Variants in WDPCP observed in about 807,000 individuals in gnomAD.
WDPCP encodes the protein WD repeat containing planar cell polarity effector.
In WDPCP, 71 loss-of-function variants were observed where a neutral mutation model predicts 93.1. That is an observed-to-expected ratio of 0.76 (90% CI 0.63 to 0.93). WDPCP has a LOEUF of 0.93. WDPCP is among the 40% of genes least tolerant of loss of function. The pLI, the probability that WDPCP is intolerant of heterozygous loss-of-function variation, is 0.00. For missense variants in WDPCP, 844 were observed against 887.4 expected (o/e 0.95, Z 0.62); for synonymous variants, 315 against 315.0 (o/e 1.00, Z 0.00).
intron 15 of WDPCP, among the ~76,000 whole-genome samples, chr2:63,169,214 T>G (rs1199143822): frequency 6.6e-6 from 1 of 152,220 alleles, no homozygotes; most frequent in Non-Finnish European, 1.5e-5. Flanking sequence ...ATCTCATGGT[T>G]AGATGAAACT....
intron 3 of WDPCP, among the ~76,000 whole-genome samples, chr2:63,603,744 G>A (rs994357971): frequency 2.2e-5 from 3 of 136,970 alleles, no homozygotes; most frequent in East Asian, 2.3e-4. Context: ...CGCAACCTCC[G>A]CCTCCCAGGT....
chr2:63,135,688 T>C lies in WDPCP; in HGVS notation c.2191-13632A>G, dbSNP rs1023171563. On this transcript the variant is annotated intron_variant, in intron 17 of 17. Transcript: ENST00000272321. Reference sequence around the variant, plus strand: ...TAATTATGGCAACATAATCCTCTCTTTATGTTTTTCCACAAAAGAGAATAT... The same window carrying C: ...TAATTATGGCAACATAATCCTCTCTCTATGTTTTTCCACAAAAGAGAATAT... 5.9e-5 allele frequency among the ~76,000 whole-genome samples: 9 copies of C among 152,266 alleles called. No individual in the cohort carries two copies. The South Asian group carries it at 1.9e-3, about 32-fold the overall frequency.
Position 63,823,199 on chromosome 2 carries a change from CA to C in WDPCP, n.222+4422del, listed in dbSNP as rs535622796. Among the ~76,000 whole-genome samples the C allele has an allele frequency of 2.3e-3, 272 of 117,214 alleles. 1 individual carries two copies. Among genetic ancestry groups the C allele is most frequent in the Admixed American group, 3.8e-3 (43 of 11,310 alleles). 76.9% of individuals were successfully genotyped at this position (117,214 alleles called of 152,430 possible). On this transcript the variant is annotated intron_variant and non_coding_transcript_variant, in intron 1 of 4. Transcript: ENST00000467687. Reference sequence around the variant, plus strand: ...TCATTTAGGAACAAAAAGTTTCACCCAAAAAAAAAAAAAAACAAAAAACTTT... The same window carrying C: ...TCATTTAGGAACAAAAAGTTTCACCCAAAAAAAAAAAAAACAAAAAACTTT...
chr2:63,402,830 G>A (rs1694256390), intron 10 of WDPCP, among the ~76,000 whole-genome samples: 1 of 152,186 alleles, frequency 6.6e-6, no homozygotes, highest in African/African-American at 2.4e-5. Context: ...CTGTGAGGGG[G>A]GAGTGTAAAT....
At position 63,554,648 on chromosome 2, in the gene WDPCP, G is replaced by A. The variant is rs928574318; in HGVS notation, c.75+33549C>T. 3.8e-4 allele frequency among the ~76,000 whole-genome samples: 23 copies of A among 59,928 alleles called. No individual in the cohort carries two copies. In the South Asian group the frequency reaches 5.0e-3, roughly 13 times the overall value. The allele number at this position is 59,928 out of a possible 152,430, so 39.3% of individuals were successfully genotyped here. A position where few individuals can be genotyped will look rare whatever the true frequency, so the allele number is the denominator to read the frequency against. Reference sequence around the variant, plus strand: ...AGCCTGGGTAACAAAGCGAAACTCCGTCTCAAAAAAAAAAAAGATTAATAA... The same window carrying A: ...AGCCTGGGTAACAAAGCGAAACTCCATCTCAAAAAAAAAAAAGATTAATAA... On this transcript the variant is annotated intron_variant, in intron 1 of 17. Coordinates refer to ENST00000272321, the MANE Select transcript of WDPCP (RefSeq NM_015910.7).
intron 14 of WDPCP, among the ~76,000 whole-genome samples, chr2:63,211,897 A>C (rs935529629): frequency 2.0e-5 from 3 of 152,202 alleles, no homozygotes; most frequent in African/African-American, 7.2e-5. Context: ...AATGAAATGG[A>C]GCGAGAAGAG....
chr2:63,353,290 A>C (rs1009471611), intron 12 of WDPCP, among the ~76,000 whole-genome samples: 4 of 152,154 alleles, frequency 2.6e-5, no homozygotes, highest in African/African-American at 9.7e-5. Context: ...CTTTCTGGCA[A>C]AAGTAGCTGC....
At chr2:63,746,648 A>C (rs905246348) in intron 2 of WDPCP, among the ~76,000 whole-genome samples, 4 of 152,230 alleles carry the variant, frequency 2.6e-5, no homozygotes, top group East Asian at 1.9e-4. Context: ...ATGCAGATGT[A>C]GATAGGGATG....
At chr2:63,691,350 G>A (rs1281633400) in intron 2 of WDPCP, among the ~76,000 whole-genome samples, 1 of 152,166 alleles carries the variant, frequency 6.6e-6, no homozygotes, top group Admixed American at 6.5e-5. Flanking sequence ...AAAAGAAGTA[G>A]TAGGCTGGGC....
chr2:63,533,263 G>T lies in WDPCP; in HGVS notation c.76-40323C>A, dbSNP rs1704002557. 2.6e-5 allele frequency among the ~76,000 whole-genome samples: 4 copies of T among 152,164 alleles called. No homozygotes were observed. In the South Asian group the frequency reaches 8.3e-4, roughly 32 times the overall value. ...AGACTCCCACACAATAATAATGGGA[G>T]ACTTGAACACCTCACCATCAATATT... On this transcript the variant is annotated intron_variant, in intron 1 of 17. Coordinates refer to ENST00000272321, the MANE Select transcript of WDPCP (RefSeq NM_015910.7).
chr2:63,361,854 C>T (rs968332550), intron 12 of WDPCP, among the ~76,000 whole-genome samples: 14 of 152,108 alleles, frequency 9.2e-5, no homozygotes, highest in African/African-American at 2.7e-4. Flanking sequence ...CCAAGATTCA[C>T]GGTATCTCAG....
intron 1 of WDPCP, among the ~76,000 whole-genome samples, chr2:63,576,511 C>T (rs1708126317): frequency 1.3e-5 from 2 of 152,248 alleles, no homozygotes; most frequent in Admixed American, 6.5e-5. Flanking sequence ...GGGCATGCCA[C>T]TCTGCAGGCA....
Position 63,221,690 on chromosome 2 carries a change from C to T in WDPCP, c.1915+37617G>A, listed in dbSNP as rs561495071. ...GTGTATTGGTAGATAACTTCCCCTC[C>T]ATTTCCTGGCCTGCATTCCTTATCT... On this transcript the variant is annotated intron_variant, in intron 14 of 17. Transcript: ENST00000272321. 1.4e-4 allele frequency among the ~76,000 whole-genome samples: 22 copies of T among 152,278 alleles called. 1 individual carries two copies. Among genetic ancestry groups the T allele is most frequent in the African/African-American group, 4.6e-4 (19 of 41,552 alleles).
intron 13 of WDPCP, among the ~76,000 whole-genome samples, chr2:63,270,570 A>G (rs28542180): frequency 8.5e-5 from 13 of 152,336 alleles, no homozygotes; most frequent in Non-Finnish European, 1.8e-4. Context: ...AGATAATCAC[A>G]TATTGAATAC....
chr2:63,660,513 G>T (rs145657909), intron 2 of WDPCP, among the ~76,000 whole-genome samples: 1 of 152,200 alleles, frequency 6.6e-6, no homozygotes, highest in African/African-American at 2.4e-5. Flanking sequence ...ATTCCAACAG[G>T]CTTCCTGCCT....
intron 1 of WDPCP, among the ~76,000 whole-genome samples, chr2:63,575,387 A>C (rs1280083995): frequency 1.8e-5 from 2 of 114,000 alleles, no homozygotes; most frequent in Non-Finnish European, 3.7e-5. Flanking sequence ...CAGTATATAC[A>C]CGGTATATAC....
intron 1 of WDPCP, among the ~76,000 whole-genome samples, chr2:63,822,424 C>T (rs188804358): frequency 1.1e-4 from 17 of 152,160 alleles, no homozygotes; most frequent in Non-Finnish European, 2.1e-4. Context: ...TAAAATTCAG[C>T]TTTGGAGATT....
chr2:63,178,737 C>G (rs988744998), intron 14 of WDPCP, among the ~76,000 whole-genome samples: 1 of 151,916 alleles, frequency 6.6e-6, no homozygotes, highest in African/African-American at 2.4e-5. Flanking sequence ...TTATTTTCTT[C>G]TGTTAGCTTT....
chr2:63,360,350 G>C (rs778484341), intron 12 of WDPCP, among the ~76,000 whole-genome samples: 5 of 152,138 alleles, frequency 3.3e-5, no homozygotes, highest in Middle Eastern at 3.2e-3. Flanking sequence ...TACATATTTC[G>C]CTATCTGACA....
Sources: gnomAD v4.1 joint callset for allele counts (sites outside exome capture counted in the v4.1 genomes callset) on GRCh38, gnomAD v4.1.1 for gene constraint, MANE v1.5 for transcripts, NCBI Gene and HGNC (gene_info 2026-07-23, HGNC 2026-07-21) for gene names.